The following IGSF21 variants were observed in gnomAD, a reference collection of about 807,000 sequenced individuals.
IGSF21 encodes the protein immunoglobin superfamily member 21, also known as immunoglobulin superfamily member 21.
IGSF21 carries 28 observed loss-of-function variants against 46.8 expected under a neutral mutation model. The observed-to-expected ratio is 0.60, with a 90% confidence interval of 0.44 to 0.82. The LOEUF (loss-of-function observed/expected upper bound fraction) is 0.82, where lower values mean the gene tolerates loss of function less well. Among genes scored for constraint, IGSF21 ranks in the 40% least tolerant of loss-of-function variants. The pLI is 0.00. For missense variants in IGSF21, 624 were observed against 665.5 expected (o/e 0.94, Z 0.69); for synonymous variants, 284 against 273.6 (o/e 1.04, Z -0.38).
chr1:18,148,383 C>T (rs1306723561), intron 1 of IGSF21, among the ~76,000 whole-genome samples: 1 of 152,146 alleles, frequency 6.6e-6, no homozygotes, highest in Non-Finnish European at 1.5e-5. Flanking sequence ...CCGCCCGCCT[C>T]GGCCTCCCAA....
At chr1:18,217,620 CTA>C (rs1274152094) in intron 1 of IGSF21, among the ~76,000 whole-genome samples, 1 of 152,204 alleles carries the variant, frequency 6.6e-6, no homozygotes. Flanking sequence ...TGTCCTGTGA[CTA>C]TAGCAGGGTG....
chr1:18,125,277 A>G (rs2086266275), intron 1 of IGSF21, among the ~76,000 whole-genome samples: 1 of 152,294 alleles, frequency 6.6e-6, no homozygotes, highest in East Asian at 1.9e-4. Context: ...ACATCACTTC[A>G]TTCATTCAAC....
intron 1 of IGSF21, among the ~76,000 whole-genome samples, chr1:18,141,250 T>C (rs2124425336): frequency 6.6e-6 from 1 of 152,242 alleles, no homozygotes; most frequent in Non-Finnish European, 1.5e-5. Context: ...AGTTTAAAGC[T>C]CTGAGACCTT....
chr1:18,363,221 A>G (rs181795205), intron 5 of IGSF21, among the ~76,000 whole-genome samples: 1 of 152,320 alleles, frequency 6.6e-6, no homozygotes, highest in African/African-American at 2.4e-5. Context: ...TGAGTTTCGC[A>G]CAGTACTAGG....
chr1:18,179,801 TTAAG>T (rs2086839273), intron 1 of IGSF21, among the ~76,000 whole-genome samples: 1 of 152,196 alleles, frequency 6.6e-6, no homozygotes, highest in East Asian at 1.9e-4. Flanking sequence ...CAGATTGAAA[TTAAG>T]TAAGAATCAT....
intron 1 of IGSF21, among the ~76,000 whole-genome samples, chr1:18,142,816 C>T (rs1007038664): frequency 7.9e-5 from 12 of 152,306 alleles, no homozygotes; most frequent in East Asian, 5.8e-4. Context: ...AAAGCACTAG[C>T]GAGTGGGACA....
chr1:18,199,252 T>G (rs1557584020), intron 1 of IGSF21, among the ~76,000 whole-genome samples: 1 of 151,996 alleles, frequency 6.6e-6, no homozygotes, highest in Non-Finnish European at 1.5e-5. Flanking sequence ...TCCCTGCCAC[T>G]CACCACCCAG....
intron 1 of IGSF21, among the ~76,000 whole-genome samples, chr1:18,166,284 C>G (rs1030837663): frequency 3.6e-4 from 55 of 152,198 alleles, no homozygotes; most frequent in African/African-American, 1.2e-3. Flanking sequence ...ATTTGAATAT[C>G]TGAAATCAGC....
intron 1 of IGSF21, among the ~76,000 whole-genome samples, chr1:18,189,366 C>T (rs536756565): frequency 4.6e-5 from 7 of 152,264 alleles, no homozygotes; most frequent in East Asian, 1.9e-4. Flanking sequence ...ATGGTGCAGC[C>T]GTCTCCAACC....
intron 4 of IGSF21, among the ~76,000 whole-genome samples, chr1:18,347,556 G>A (rs1381451626): frequency 2.0e-5 from 3 of 152,226 alleles, no homozygotes; most frequent in African/African-American, 7.2e-5. Flanking sequence ...CCATTTTACA[G>A]AGAAGAAAAC....
chr1:18,255,894 A>C (rs972455046), intron 2 of IGSF21, among the ~76,000 whole-genome samples: 1 of 152,162 alleles, frequency 6.6e-6, no homozygotes, highest in African/African-American at 2.4e-5. Context: ...GTGCAGCCCC[A>C]GTCCATTCTC....
intron 6 of IGSF21, among the ~76,000 whole-genome samples, chr1:18,367,600 TCTC>T (rs1312128436): frequency 3.9e-5 from 4 of 101,370 alleles, no homozygotes; most frequent in Non-Finnish European, 5.9e-5. Flanking sequence ...TCTCTCTCTC[TCTC>T]TTTTTTTTTT....
At chr1:18,263,441 C>G (rs1464825447) in intron 2 of IGSF21, among the ~76,000 whole-genome samples, 1 of 150,500 alleles carries the variant, frequency 6.6e-6, no homozygotes, top group Non-Finnish European at 1.5e-5. Flanking sequence ...CAGTTTTGAA[C>G]CAGGCGAATG....
intron 1 of IGSF21, among the ~76,000 whole-genome samples, chr1:18,161,532 A>G (rs2086622967): frequency 6.6e-6 from 1 of 152,146 alleles, no homozygotes; most frequent in African/African-American, 2.4e-5. Flanking sequence ...GCAGAGGCCG[A>G]AGCAGCTGCT....
intron 1 of IGSF21, among the ~76,000 whole-genome samples, chr1:18,175,801 A>G (rs1177056118): frequency 6.6e-6 from 1 of 152,248 alleles, no homozygotes; most frequent in Non-Finnish European, 1.5e-5. Context: ...GCCCAGAGCA[A>G]GGCAGAGGGA....
chr1:18,114,423 C>A (rs17434130), intron 1 of IGSF21: 1 of 152,084 alleles, frequency 6.6e-6, no homozygotes, highest in African/African-American at 2.4e-5. Flanking sequence ...ACATGTGCAA[C>A]CTGGTTTTGA....
chr1:18,345,541 C>T (rs956506008), intron 4 of IGSF21, among the ~76,000 whole-genome samples: 33 of 152,212 alleles, frequency 2.2e-4, no homozygotes, highest in East Asian at 1.5e-3. Context: ...CGCACTACCA[C>T]GTCCAGCTAA....
chr1:18,116,150 C>G (rs2086188375), intron 1 of IGSF21, among the ~76,000 whole-genome samples: 1 of 152,192 alleles, frequency 6.6e-6, no homozygotes, highest in South Asian at 2.1e-4. Context: ...CTTCCCAAAT[C>G]TGAGTTTCTC....
intron 1 of IGSF21, among the ~76,000 whole-genome samples, chr1:18,212,689 C>T (rs1443103183): frequency 6.6e-6 from 1 of 152,166 alleles, no homozygotes; most frequent in Non-Finnish European, 1.5e-5. Flanking sequence ...GGGGTCCTGG[C>T]CCCTCTGCTC....
Sources: gnomAD v4.1 joint callset for allele counts (sites outside exome capture counted in the v4.1 genomes callset) on GRCh38, gnomAD v4.1.1 for gene constraint, MANE v1.5 for transcripts, NCBI Gene and HGNC (gene_info 2026-07-23, HGNC 2026-07-21) for gene names.